ABCA6: variants seen among roughly 807,000 people sequenced by gnomAD.
ABCA6 encodes the protein ATP binding cassette subfamily A member 6, also known as ATP-binding cassette sub-family A member 6.
A neutral mutation model predicts 191.2 loss-of-function variants in ABCA6; 164 were observed. The observed-to-expected ratio is 0.86, with a 90% CI of 0.76 to 0.98. The LOEUF (loss-of-function observed/expected upper bound fraction) is 0.98, where lower values mean the gene tolerates loss of function less well. Ranked by LOEUF, ABCA6 falls within the 50% of genes least tolerant of loss-of-function variation. The pLI is 0.00. For synonymous variants in ABCA6, 636 were observed against 647.7 expected (o/e 0.98, Z 0.27); for missense variants, 1,958 against 1,894.1 (o/e 1.03, Z -0.63).
chr17:69,128,076 T>A (rs1479288938), intron 8 of ABCA6, among the ~76,000 whole-genome samples: 1 of 152,112 alleles, frequency 6.6e-6, no homozygotes, highest in Non-Finnish European at 1.5e-5. Flanking sequence ...GAACACATAC[T>A]TAAGTGGTAA....
chr17:69,126,363 C>T (rs568944720), intron 8 of ABCA6, among the ~76,000 whole-genome samples: 1 of 152,046 alleles, frequency 6.6e-6, no homozygotes, highest in Non-Finnish European at 1.5e-5. Flanking sequence ...AAAACTAAAA[C>T]AGGCCAAGTG....
In ABCA6 at chr17:69,084,295, T is replaced by A. The variant is rs374345743; in HGVS notation, c.4321A>T (p.Thr1441Ser). 4 of 1,614,080 alleles carry A rather than the reference T, an allele frequency of 2.5e-6. No individual in the cohort carries two copies. Among genetic ancestry groups the A allele is most frequent in the Non-Finnish European group, 3.4e-6 (4 of 1,180,034 alleles). The change falls in exon 34 of 39, where the codon ACG becomes TCG. Residue 1441 changes from threonine to serine, a missense_variant. Transcript: ENST00000284425. The stretch of plus-strand genomic sequence containing the variant: ...TGCTGCCCTGTGGGGTCTATGCCCG[T>A]AGATGGTTCATCCAGGAGCAAGACA... ...SPVLLLDEPS[T>S]GIDPTGQQQM...
chr17:69,136,547 C>T (rs2073951030), intron 3 of ABCA6, among the ~76,000 whole-genome samples: 1 of 152,036 alleles, frequency 6.6e-6, no homozygotes, highest in East Asian at 1.9e-4. Flanking sequence ...AATGAGAGTA[C>T]AAAAACAGAA....
rs772836110 is a variant in ABCA6 at position 69,110,802 on chromosome 17, T to C, written c.2271A>G (p.Pro757=). Residue 757 remains proline (P), a splice_region_variant and synonymous_variant, in exon 17 of 39, where the codon CCA becomes CCG. Transcript: ENST00000284425. ...TLPLERTNTF[P]DLFSDLDKCS... The stretch of plus-strand genomic sequence containing the variant: ...TCATTGTAATCATAGTTGAGTTACC[T>C]GGAAATGTATTTGTCCTTTCCAGTG... 7.5e-6 allele frequency: 12 copies of C among 1,602,310 alleles called. No homozygotes were observed. The Admixed American group carries it at 8.7e-5, about 12-fold the overall frequency.
At chr17:69,101,315 T>C (rs568304801) in intron 21 of ABCA6, among the ~76,000 whole-genome samples, 8 of 152,052 alleles carry the variant, frequency 5.3e-5, no homozygotes, top group Non-Finnish European at 1.2e-4. Context: ...CAAAGGAAGA[T>C]TGGGCATGGT....
rs746447616 is a variant in ABCA6, at chr17:69,115,361, TTTC to T, written c.1606+12_1606+14del. ...TATAAGACATCTTGCCTTTGAGAAA[TTTC>T]TTTTTACTCACCTTCTGTTGGAACA... On this transcript the variant is annotated intron_variant, in intron 12 of 38. Transcript: ENST00000284425. 3.1e-6 allele frequency: 5 copies of T among 1,589,686 alleles called. No individual in the cohort carries two copies. The Admixed American group carries it at 6.8e-5, about 22-fold the overall frequency.
intron 10 of ABCA6, among the ~76,000 whole-genome samples, chr17:69,120,615 C>G (rs940552486): frequency 1.3e-5 from 2 of 152,028 alleles, no homozygotes; most frequent in Admixed American, 6.6e-5. Context: ...TGAGTCTCAC[C>G]AGGTATTTTA....
At chr17:69,125,711 A>AG (rs143601944) in intron 8 of ABCA6, among the ~76,000 whole-genome samples, 1 of 152,258 alleles carries the variant, frequency 6.6e-6, no homozygotes, top group East Asian at 1.9e-4. Context: ...ACAGCTTCTC[A>AG]GTCTATGTTA....
chr17:69,139,863 C>T (rs1306562402), intron 2 of ABCA6, among the ~76,000 whole-genome samples: 1 of 149,438 alleles, frequency 6.7e-6, no homozygotes, highest in East Asian at 2.0e-4. Flanking sequence ...AACCAAACAC[C>T]GCATGTTCTC....
In ABCA6 at chr17:69,096,239, C is replaced by CA. The variant is rs765618525; in HGVS notation, c.3408dup (p.Ala1137CysfsTer15). ...TCTATTTGTATGTATTATATACTTA[C>CA]AAAAAAGAAGTAAAATGACCAAAGG... is the stretch of plus-strand genomic sequence containing the variant. On this transcript the variant is annotated frameshift_variant and splice_region_variant. Coordinates refer to ENST00000284425, the MANE Select transcript of ABCA6 (RefSeq NM_080284.3). LOFTEE classifies it high-confidence loss of function. 1.7e-5 allele frequency: 24 copies of CA among 1,419,472 alleles called. No individual in the cohort carries two copies. The highest frequency in any genetic ancestry group is 2.0e-5 in the Non-Finnish European group (21 of 1,048,394). 87.9% of individuals were successfully genotyped at this position (1,419,472 alleles called of 1,614,324 possible). A position where few individuals can be genotyped will look rare whatever the true frequency, so the allele number is the denominator to read the frequency against.
chr17:69,089,087 C>T (rs2072869802), intron 27 of ABCA6, among the ~76,000 whole-genome samples: 1 of 152,160 alleles, frequency 6.6e-6, no homozygotes, highest in Admixed American at 6.5e-5. Context: ...ACAGTAGTTC[C>T]CTTCAGCCTA....
At chr17:69,128,447 T>C (rs549311686) in intron 8 of ABCA6, among the ~76,000 whole-genome samples, 172 bp downstream of exon 8, 11 of 152,132 alleles carry the variant, frequency 7.2e-5, no homozygotes, top group African/African-American at 2.4e-4. Context: ...AATTTAAGTT[T>C]CTTTGTGAGG....
At position 69,105,503 on chromosome 17, in the gene ABCA6, G is replaced by C; in HGVS notation, c.2699C>G (p.Pro900Arg). The C allele has an allele frequency of 6.2e-7, 1 of 1,611,128 alleles. No homozygotes were observed. Among genetic ancestry groups the C allele is most frequent in the Non-Finnish European group, 8.5e-7 (1 of 1,179,370 alleles). ...ELYFLSPGQL[P>R]QEPRTSLLII... is the part of the protein sequence containing the mutation. ...CAACAGGCTGGTACGGGGTTCCTGG[G>C]GAAGTTGTCCAGGAGAGAGAAAATA... Residue 900 changes from proline (P) to arginine (R), a missense_variant, in exon 20 of 39, where the codon CCC becomes CGC. Pro to Arg is a moderately radical substitution (Grantham distance 103). Transcript: ENST00000284425.
At chr17:69,116,275 A>G (rs989144786) in intron 11 of ABCA6, among the ~76,000 whole-genome samples, 1 of 152,142 alleles carries the variant, frequency 6.6e-6, no homozygotes, top group African/African-American at 2.4e-5. Context: ...AGTGAGAGAT[A>G]TATTAACATG....
intron 17 of ABCA6, chr17:69,109,304 G>T (rs1297913179): frequency 2.0e-5 from 3 of 152,076 alleles, no homozygotes; most frequent in Admixed American, 2.0e-4. Flanking sequence ...AGAAAGAACA[G>T]TTGTGAGAAC....
At chr17:69,125,901 A>G (rs2073743866) in intron 8 of ABCA6, among the ~76,000 whole-genome samples, 1 of 152,150 alleles carries the variant, frequency 6.6e-6, no homozygotes, top group Non-Finnish European at 1.5e-5. Context: ...AGTAAAGAAA[A>G]TATCTTCATA....
rs754634601 is a variant in ABCA6 at position 69,113,660 on chromosome 17, T to C, written c.1860A>G (p.Lys620=). 7 of 1,613,080 alleles carry C rather than the reference T, an allele frequency of 4.3e-6. No individual in the cohort carries two copies. In the Admixed American group the frequency reaches 1.2e-4, roughly 27 times the overall value. ...TGGTAATCCCAAAAGTCAGCTTTCT[T>C]TTCTGTCCTTCACTTAAATGTTTAG... is the stretch of plus-strand genomic sequence containing the variant. ...NLAKHLSEGQ[K]RKLTFGITIL... The change falls in exon 14 of 39, where the codon AAA becomes AAG. Residue 620 remains lysine, a synonymous_variant. Coordinates refer to ENST00000284425, the MANE Select transcript of ABCA6 (RefSeq NM_080284.3).
Position 69,136,087 on chromosome 17 carries a change from G to A in ABCA6, c.460+5C>T. 6.2e-6 allele frequency: 10 copies of A among 1,608,458 alleles called. No individual in the cohort carries two copies. The highest frequency in any genetic ancestry group is 8.5e-6 in the Non-Finnish European group (10 of 1,176,642). On this transcript the variant is annotated splice_donor_5th_base_variant and intron_variant, in intron 4 of 38. Coordinates refer to ENST00000284425, the MANE Select transcript of ABCA6 (RefSeq NM_080284.3). ...TCCATAATGATATTTGATATGGAAA[G>A]TCACCTGAGAAATCTTCTTTCCAAA...
intron 6 of ABCA6, 23 bp downstream of exon 6, chr17:69,133,618 C>T (rs2073901378): frequency 6.8e-7 from 1 of 1,463,358 alleles, no homozygotes; most frequent in Admixed American, 2.0e-5. Flanking sequence ...TATTAATTTG[C>T]ACTACTTGAA....
Sources: gnomAD v4.1 joint callset for allele counts (sites outside exome capture counted in the v4.1 genomes callset) on GRCh38, gnomAD v4.1.1 for gene constraint, MANE v1.5 for transcripts, NCBI Gene and HGNC (gene_info 2026-07-23, HGNC 2026-07-21) for gene names.